The following COL4A1 variants were observed in gnomAD, a reference collection of about 807,000 sequenced individuals.
The protein encoded by COL4A1 is collagen type IV alpha 1 chain.
A neutral mutation model predicts 216.6 loss-of-function variants in COL4A1; 40 were observed. The observed-to-expected ratio is 0.18, with a 90% confidence interval of 0.14 to 0.24. The LOEUF (loss-of-function observed/expected upper bound fraction) is 0.24. COL4A1 is among the 10% of genes least tolerant of loss of function. The probability of loss-of-function intolerance (pLI) is 1.00; values close to 1 mark genes in which losing one functional copy is unlikely to be tolerated. For missense variants in COL4A1, 1,628 were observed against 2,196.8 expected (o/e 0.74, Z 5.18); for synonymous variants, 839 against 810.7 (o/e 1.03, Z -0.59).
At chr13:110,168,687 C>G (rs1257034680) in intron 43 of COL4A1, among the ~76,000 whole-genome samples, 1 of 152,226 alleles carries the variant, frequency 6.6e-6, no homozygotes, top group Non-Finnish European at 1.5e-5. Flanking sequence ...ATGAGCAGTT[C>G]AAAGCTTTCC....
intron 41 of COL4A1, 88 bp from the exon 42 acceptor site, chr13:110,170,820 T>C (rs1311479776): frequency 4.5e-5 from 62 of 1,374,060 alleles, no homozygotes; most frequent in Non-Finnish European, 5.5e-5. Context: ...GGATGAGGCG[T>C]GCCTCATCCT....
intron 12 of COL4A1, 62 bp downstream of exon 12, chr13:110,208,787 G>C: frequency 6.8e-7 from 1 of 1,468,128 alleles, no homozygotes; most frequent in Non-Finnish European, 9.6e-7. Flanking sequence ...CCAAAGGTGG[G>C]AACTGTCAGG....
At chr13:110,278,603 CT>C (rs1439175755) in intron 1 of COL4A1, among the ~76,000 whole-genome samples, 2 of 152,112 alleles carry the variant, frequency 1.3e-5, no homozygotes, top group Admixed American at 1.3e-4. Context: ...ACTTCACAGC[CT>C]TTTTAAAAAG....
rs1877601610 is a variant in COL4A1 at position 110,170,736 on chromosome 13, A to G, written c.3557-4T>C. ...AAACCCACCTCACCCTTTGAACCTG[A>G]ACAAGAAAAACAGTTTGAGGTGATG... On this transcript the variant is annotated splice_region_variant and splice_polypyrimidine_tract_variant and intron_variant, in intron 41 of 51. Transcript: ENST00000375820. The G allele has an allele frequency of 8.1e-6, 13 of 1,614,058 alleles. No homozygotes were observed. The highest frequency in any genetic ancestry group is 1.1e-5 in the Non-Finnish European group (13 of 1,180,026).
At chr13:110,169,050 C>T (rs1877479817) in intron 43 of COL4A1, among the ~76,000 whole-genome samples, 1 of 152,200 alleles carries the variant, frequency 6.6e-6, no homozygotes, top group African/African-American at 2.4e-5. Context: ...GTCACACACA[C>T]ACACACAGAA....
At chr13:110,194,588 A>T (rs1014355290) in intron 22 of COL4A1, among the ~76,000 whole-genome samples, 2 of 152,200 alleles carry the variant, frequency 1.3e-5, no homozygotes, top group Non-Finnish European at 2.9e-5. Flanking sequence ...GCTCACACTG[A>T]TGATGCAAAC....
chr13:110,292,676 C>G (rs1164962635), intron 1 of COL4A1, among the ~76,000 whole-genome samples: 1 of 152,142 alleles, frequency 6.6e-6, no homozygotes, highest in Non-Finnish European at 1.5e-5. Context: ...ACCATCAAAT[C>G]TCATGAGAAC....
intron 24 of COL4A1, chr13:110,190,853 T>G (rs1180826561): frequency 6.6e-6 from 1 of 152,252 alleles, no homozygotes; most frequent in Non-Finnish European, 1.5e-5. Flanking sequence ...TTTCTTTCTT[T>G]TCTTCTATAT....
intron 24 of COL4A1, among the ~76,000 whole-genome samples, chr13:110,190,476 C>T (rs912365451): frequency 6.6e-5 from 10 of 152,186 alleles, no homozygotes; most frequent in African/African-American, 2.4e-4. Context: ...TCAATCCGCT[C>T]GGGGAGTCGG....
At position 110,307,117 on chromosome 13, in the gene COL4A1, C is replaced by A. The variant is rs113651836; in HGVS notation, c.-90G>T. ...CTCTCGGAAGGCCGGACTTCCAGCG[C>A]TACGCACCGTCCCGGGTGCGGCGGC... On this transcript the variant is annotated 5_prime_UTR_variant, in exon 1 of 52. Transcript: ENST00000375820. This position sits in a 1 kb window ranked among gnomAD's most constrained non-coding sequence, Gnocchi z 5.0. 0.29 allele frequency: 314,869 copies of A among 1,081,218 alleles called. 47,410 individuals carry two copies. The highest frequency in any genetic ancestry group is 0.35 in the Admixed American group (9,388 of 26,930). 67.0% of individuals were successfully genotyped at this position (1,081,218 alleles called of 1,614,324 possible). A position where few individuals can be genotyped will look rare whatever the true frequency, so the allele number is the denominator to read the frequency against.
In COL4A1 at chr13:110,155,409, G is replaced by A. The variant is rs775590711; in HGVS notation, c.4641-12C>T. 1 of 1,604,644 alleles carries A rather than the reference G, an allele frequency of 6.2e-7. No individual in the cohort carries two copies. The highest frequency in any genetic ancestry group is 2.2e-5 in the East Asian group (1 of 44,814). ...CACACACAGCACACCTGGAAGTGGA[G>A]CAGAGACACTCAGCACAGCCGGGGT... On this transcript the variant is annotated splice_polypyrimidine_tract_variant and intron_variant, in intron 49 of 51. Coordinates refer to ENST00000375820, the MANE Select transcript of COL4A1 (RefSeq NM_001845.6).
chr13:110,254,750 A>G (rs1882436605), intron 1 of COL4A1, among the ~76,000 whole-genome samples: 1 of 152,168 alleles, frequency 6.6e-6, no homozygotes, highest in African/African-American at 2.4e-5. Flanking sequence ...AACCCAAATT[A>G]TATGACCTCC....
chr13:110,174,522 A>G lies in COL4A1; in HGVS notation c.3330T>C (p.Ser1110=), dbSNP rs1243295267. ...CACCTTTTTCTCCAGGTAGCCCAGG[A>G]CTTCCTAAAGAAAAAAACAAAACAC... ...GSPGSVGYPG[S]PGLPGEKGDK... Residue 1110 remains serine (S), a synonymous_variant, in exon 39 of 52, where the codon AGT becomes AGC. Transcript: ENST00000375820. The G allele has an allele frequency of 6.8e-6, 11 of 1,613,956 alleles. No individual in the cohort carries two copies. The highest frequency in any genetic ancestry group is 1.3e-5 in the African/African-American group (1 of 74,890).
At chr13:110,154,932 T>C (rs1876706076) in intron 50 of COL4A1, among the ~76,000 whole-genome samples, 1 of 152,230 alleles carries the variant, frequency 6.6e-6, no homozygotes, top group South Asian at 2.1e-4. Flanking sequence ...AAGCTGGTTG[T>C]ATAGAGAAGC....
chr13:110,245,417 T>A (rs184760290), intron 1 of COL4A1, among the ~76,000 whole-genome samples: 62 of 152,348 alleles, frequency 4.1e-4, no homozygotes, highest in African/African-American at 1.4e-3. Flanking sequence ...CTAAGTCTCA[T>A]GTATCTGCAG....
chr13:110,277,163 A>G (rs1883462939), intron 1 of COL4A1, among the ~76,000 whole-genome samples: 1 of 152,192 alleles, frequency 6.6e-6, no homozygotes, highest in Non-Finnish European at 1.5e-5. Flanking sequence ...TAATTTATCA[A>G]TACGGTCCTC....
At chr13:110,246,774 C>T (rs778013547) in intron 1 of COL4A1, among the ~76,000 whole-genome samples, 4 of 152,228 alleles carry the variant, frequency 2.6e-5, no homozygotes, top group South Asian at 2.1e-4. Context: ...ACATTCTGTG[C>T]GGTACTCATC....
At chr13:110,304,031 G>A (rs968191922) in intron 1 of COL4A1, among the ~76,000 whole-genome samples, 2 of 152,218 alleles carry the variant, frequency 1.3e-5, no homozygotes, top group Non-Finnish European at 2.9e-5. Flanking sequence ...CTGTGTACAC[G>A]TGACTATTAA....
rs542592271 is a variant in COL4A1 at position 110,150,771 on chromosome 13, C to T, written c.4929-327G>A. On this transcript the variant is annotated intron_variant, in intron 51 of 51. Transcript: ENST00000375820. Reference sequence around the variant, plus strand: ...TCCCCTCTGTGCCACCCTGCCTCCTCGTACTACAATTTCACTTTTTTTCCA... The same window carrying T: ...TCCCCTCTGTGCCACCCTGCCTCCTTGTACTACAATTTCACTTTTTTTCCA... 6.6e-5 allele frequency among the ~76,000 whole-genome samples: 10 copies of T among 152,344 alleles called. No homozygotes were observed. In the South Asian group the frequency reaches 1.9e-3, roughly 28 times the overall value.
Sources: allele counts gnomAD v4.1 joint callset (sites outside exome capture counted in the v4.1 genomes callset), GRCh38; gene constraint gnomAD v4.1.1; non-coding constraint Gnocchi (gnomAD v3.1); transcripts MANE v1.5; gene names NCBI Gene and HGNC (gene_info 2026-07-23, HGNC 2026-07-21).